KIF13B: variants seen among roughly 807,000 people sequenced by gnomAD.
KIF13B encodes the protein kinesin family member 13B, also known as kinesin-like protein KIF13B.
Under a neutral mutation model 222.0 loss-of-function variants are expected in KIF13B, and 127 were observed. That is an observed-to-expected ratio of 0.57 (90% CI 0.50 to 0.66). KIF13B has a LOEUF of 0.66. KIF13B is among the 30% of genes least tolerant of loss of function. KIF13B has a pLI of 0.00. For missense variants in KIF13B, 2,173 were observed against 2,379.0 expected (o/e 0.91, Z 1.80); for synonymous variants, 976 against 919.0 (o/e 1.06, Z -1.12).
rs869030059 is a variant in KIF13B at position 29,105,650 on chromosome 8, GTTTTTT to G, written c.4215+2483_4215+2488del. Among the ~76,000 whole-genome samples the G allele has an allele frequency of 7.7e-3, 598 of 78,028 alleles. 4 individuals are homozygous for G. The highest frequency in any genetic ancestry group is 0.01 in the Non-Finnish European group (479 of 46,078). The allele number at this position is 78,028 out of a possible 152,430, so 51.2% of individuals were successfully genotyped here. ...AAGGAAACTGGGCAGAGTTTGTTTG[GTTTTTT>G]TTTTTTTTTTTTTTTTTTTTGAGAC... On this transcript the variant is annotated intron_variant, in intron 35 of 39. Transcript: ENST00000524189.
intron 31 of KIF13B, among the ~76,000 whole-genome samples, 192 bp from the exon 32 acceptor site, chr8:29,113,747 T>G (rs546862502): frequency 4.6e-5 from 7 of 152,314 alleles, no homozygotes; most frequent in African/African-American, 1.7e-4. Flanking sequence ...ACTTATTAGA[T>G]GCCCACCATG....
chr8:29,206,628 C>G (rs143674056), intron 2 of KIF13B, among the ~76,000 whole-genome samples: 1 of 152,216 alleles, frequency 6.6e-6, no homozygotes, highest in Non-Finnish European at 1.5e-5. Flanking sequence ...TCCCTTTTTC[C>G]TTCTGATAGT....
intron 6 of KIF13B, among the ~76,000 whole-genome samples, chr8:29,184,927 G>A (rs1812865587): frequency 6.6e-6 from 1 of 152,012 alleles, no homozygotes. Context: ...GGACCGTAAG[G>A]TACTCTCTAG....
Position 29,070,442 on chromosome 8 carries a change from G to A in KIF13B, c.*62C>T. On this transcript the variant is annotated 3_prime_UTR_variant, in exon 40 of 40. Coordinates refer to ENST00000524189, the MANE Select transcript of KIF13B (RefSeq NM_015254.4). The surrounding 1 kb of genome is among the most constrained non-coding windows in gnomAD (Gnocchi z 4.1). ...ACCGGGCTCCTGGCTCCTCAGGGCT[G>A]TCACTGGCAGGGCTCAAAAGGGGCC... 3 of 1,577,170 alleles carry A rather than the reference G, an allele frequency of 1.9e-6. No individual in the cohort carries two copies. The highest frequency in any genetic ancestry group is 2.6e-6 in the Non-Finnish European group (3 of 1,160,112).
intron 10 of KIF13B, among the ~76,000 whole-genome samples, chr8:29,173,466 G>GAA (rs57480607): frequency 0.036 from 5,082 of 140,240 alleles, 206 homozygotes; most frequent in African/African-American, 0.1. Context: ...ACTAAAAATT[G>GAA]AAAAAAAAAA....
rs1272719360 is a variant in KIF13B, at chr8:29,099,994, CTG to C, written c.4216-755_4216-754del. On this transcript the variant is annotated intron_variant, in intron 35 of 39. Transcript: ENST00000524189. ...GGTGTCTCTTCTCTCTACTCCCAGA[CTG>C]TGTTTCCACTGACTCACATATAGTG... Among the ~76,000 whole-genome samples, 4 of 152,222 alleles carry C rather than the reference CTG, an allele frequency of 2.6e-5. No individual in the cohort carries two copies. In the East Asian group the frequency reaches 7.7e-4, roughly 29 times the overall value.
At chr8:29,084,770 A>G (rs773240820) in intron 37 of KIF13B, among the ~76,000 whole-genome samples, 10 of 152,378 alleles carry the variant, frequency 6.6e-5, no homozygotes, top group Non-Finnish European at 1.2e-4. Context: ...CTAATTAGAG[A>G]GCAGGAAGTT....
In KIF13B at chr8:29,077,030, G is replaced by A. The variant is rs567773634; in HGVS notation, c.4459-1687C>T. 2.0e-5 allele frequency among the ~76,000 whole-genome samples: 3 copies of A among 152,318 alleles called. No homozygotes were observed. The South Asian group carries it at 6.2e-4, about 32-fold the overall frequency. On this transcript the variant is annotated intron_variant, in intron 37 of 39. Coordinates refer to ENST00000524189, the MANE Select transcript of KIF13B (RefSeq NM_015254.4). ...GACCAAGGAAATGAACAAAAGGAAT[G>A]TGTACTTTACACTGCAACCACTAGG...
chr8:29,121,537 C>A (rs1809859848), intron 29 of KIF13B, among the ~76,000 whole-genome samples: 1 of 91,664 alleles, frequency 1.1e-5, no homozygotes, highest in Non-Finnish European at 2.1e-5. Context: ...CTTCCTTACA[C>A]CTTATACAAA....
At chr8:29,228,659 T>A (rs1815149287) in intron 2 of KIF13B, among the ~76,000 whole-genome samples, 1 of 151,872 alleles carries the variant, frequency 6.6e-6, no homozygotes, top group Non-Finnish European at 1.5e-5. Flanking sequence ...CAAGGGAAAC[T>A]TCTGGGGAAG....
At chr8:29,156,937 A>G (rs1166015296) in intron 13 of KIF13B, among the ~76,000 whole-genome samples, 4 of 151,928 alleles carry the variant, frequency 2.6e-5, no homozygotes, top group Non-Finnish European at 5.9e-5. Flanking sequence ...CCCTAACCCA[A>G]CAGAAGTCTA....
chr8:29,178,479 A>T (rs1414555321), intron 8 of KIF13B, among the ~76,000 whole-genome samples: 2 of 152,172 alleles, frequency 1.3e-5, no homozygotes, highest in Non-Finnish European at 2.9e-5. Flanking sequence ...AAGCACATAC[A>T]TGTAACATAC....
chr8:29,118,805 A>G, intron 30 of KIF13B, 63 bp downstream of exon 30: 1 of 1,563,610 alleles, frequency 6.4e-7, no homozygotes, highest in Middle Eastern at 1.7e-4. Context: ...TGTTTCAAAA[A>G]GCTCGAGGAG....
chr8:29,070,557 T>G lies in KIF13B; in HGVS notation c.5428A>C (p.Lys1810Gln). ...GGGTTCTTGTGGCTCCTGTCGGCCT[T>G]GGCCAGGGCAGCTGTCAGCGAGGCC... ...NLASLTAALAKADRSHKNPEN... is the reference protein window; with the variant it reads ...NLASLTAALAQADRSHKNPEN... The change falls in exon 40 of 40, where the codon AAG becomes CAG. Residue 1810 changes from lysine to glutamine, a missense_variant. Lys to Gln is a moderately conservative substitution (Grantham distance 53). Coordinates refer to ENST00000524189, the MANE Select transcript of KIF13B (RefSeq NM_015254.4). The surrounding 1 kb of genome is among the most constrained non-coding windows in gnomAD (Gnocchi z 4.1). 1 of 1,608,422 alleles carries G rather than the reference T, an allele frequency of 6.2e-7. No individual in the cohort carries two copies. The highest frequency in any genetic ancestry group is 1.7e-5 in the Admixed American group (1 of 59,568).
At chr8:29,128,760 T>C (rs1218156913) in intron 24 of KIF13B, among the ~76,000 whole-genome samples, 2 of 152,230 alleles carry the variant, frequency 1.3e-5, no homozygotes, top group Non-Finnish European at 2.9e-5. Context: ...ACTTAAACTA[T>C]TAGACAGAAC....
At chr8:29,254,863 T>C (rs1489203940) in intron 1 of KIF13B, among the ~76,000 whole-genome samples, 3 of 152,186 alleles carry the variant, frequency 2.0e-5, no homozygotes, top group Non-Finnish European at 4.4e-5. Context: ...GCATCATTCA[T>C]AATAGCCAAA....
chr8:29,237,073 A>T (rs1243853077), intron 2 of KIF13B, among the ~76,000 whole-genome samples: 1 of 152,136 alleles, frequency 6.6e-6, no homozygotes, highest in African/African-American at 2.4e-5. Flanking sequence ...GCATCAGAAA[A>T]AATTATAAAC....
intron 13 of KIF13B, among the ~76,000 whole-genome samples, chr8:29,160,411 G>A (rs113963140): frequency 9.5e-4 from 145 of 152,172 alleles, no homozygotes; most frequent in African/African-American, 2.6e-3. Flanking sequence ...AAAAGCTTTC[G>A]TATACTTACT....
chr8:29,140,312 C>T (rs1213029147), intron 20 of KIF13B, 121 bp from the exon 21 acceptor site: 4 of 1,426,940 alleles, frequency 2.8e-6, no homozygotes, highest in African/African-American at 2.8e-5. Flanking sequence ...ATTTAGAGGC[C>T]TAGTCTCTGA....
Sources: gnomAD v4.1 joint callset for allele counts (sites outside exome capture counted in the v4.1 genomes callset) on GRCh38, gnomAD v4.1.1 for gene constraint, Gnocchi (gnomAD v3.1) non-coding constraint, MANE v1.5 for transcripts, NCBI Gene and HGNC (gene_info 2026-07-23, HGNC 2026-07-21) for gene names.